TBC1D9B: variants seen among roughly 807,000 people sequenced by gnomAD.
The protein encoded by TBC1D9B is TBC1 domain family member 9B.
TBC1D9B carries 87 observed loss-of-function variants against 121.1 expected under a neutral mutation model. The observed-to-expected ratio is 0.72, with a 90% CI of 0.60 to 0.86. The LOEUF is 0.86. Among genes scored for constraint, TBC1D9B ranks in the 40% least tolerant of loss-of-function variants. The pLI is 0.00. For missense variants in TBC1D9B, 1,540 were observed against 1,628.6 expected (o/e 0.95, Z 0.94); for synonymous variants, 668 against 670.1 (o/e 1.00, Z 0.05).
Position 179,870,515 on chromosome 5 carries a change from G to C in TBC1D9B, c.2485-20C>G, listed in dbSNP as rs116593207. 1,546 of 1,594,428 alleles carry C rather than the reference G, an allele frequency of 9.7e-4. 13 individuals carry two copies. In the African/African-American group the frequency reaches 0.018, roughly 18 times the overall value. The stretch of plus-strand genomic sequence containing the variant: ...CTTGGCCTGTGGGACACGGTCTGGT[G>C]AGACGGTCCAGCCGCTAAGCCTGTG... On this transcript the variant is annotated intron_variant, in intron 15 of 20. Coordinates refer to ENST00000355235, the MANE Select transcript of TBC1D9B (RefSeq NM_015043.4).
At chr5:179,887,912 T>C (rs1383884127) in intron 7 of TBC1D9B, 191 bp downstream of exon 7, 25 of 683,868 alleles carry the variant, frequency 3.7e-5, no homozygotes, top group Non-Finnish European at 5.1e-6. Context: ...TGGCTGGGGG[T>C]GCAGAGAGGC....
At chr5:179,886,130 G>C (rs1446987071) in intron 7 of TBC1D9B, among the ~76,000 whole-genome samples, 1 of 152,126 alleles carries the variant, frequency 6.6e-6, no homozygotes, top group Non-Finnish European at 1.5e-5. Flanking sequence ...AGAGAAAATG[G>C]AGCCCCCTTC....
chr5:179,897,802 C>A (rs1473141455), intron 3 of TBC1D9B, among the ~76,000 whole-genome samples: 1 of 152,220 alleles, frequency 6.6e-6, no homozygotes, highest in Non-Finnish European at 1.5e-5. Context: ...CTCTCTCCAC[C>A]TGTTTTCCTG....
intron 14 of TBC1D9B, 69 bp downstream of exon 14, chr5:179,872,823 C>T: frequency 1.3e-6 from 2 of 1,502,522 alleles, no homozygotes; most frequent in South Asian, 2.3e-5. Flanking sequence ...CTGTACCCAC[C>T]CTGCTCTGTG....
At position 179,874,536 on chromosome 5, in the gene TBC1D9B, G is replaced by C. The variant is rs1760303246; in HGVS notation, c.2186+366C>G. On this transcript the variant is annotated intron_variant, in intron 12 of 20. Coordinates refer to ENST00000355235, the MANE Select transcript of TBC1D9B (RefSeq NM_015043.4). This position sits in a 1 kb window ranked among gnomAD's most constrained non-coding sequence, Gnocchi z 4.3. ...GCTGCAATGCAGCTGAGCTTGGAGA[G>C]GTATGACCGGGACCACCTGGTGGAC... Among the ~76,000 whole-genome samples, 2 of 152,192 alleles carry C rather than the reference G, an allele frequency of 1.3e-5. No homozygotes were observed.
rs571191896 is a variant in TBC1D9B at position 179,902,960 on chromosome 5, C to T, written c.229+1742G>A. ...GAAGGGCACTGCTGGTCAGGATGCC[C>T]GTGCAGAGCGCCCACCTGGGAGTGG... On this transcript the variant is annotated intron_variant, in intron 2 of 20. Coordinates refer to ENST00000355235, the MANE Select transcript of TBC1D9B (RefSeq NM_015043.4). The surrounding 1 kb of genome is among the most constrained non-coding windows in gnomAD (Gnocchi z 4.9). Among the ~76,000 whole-genome samples, 1 of 152,174 alleles carries T rather than the reference C, an allele frequency of 6.6e-6. No individual in the cohort carries two copies. The highest frequency in any genetic ancestry group is 1.5e-5 in the Non-Finnish European group (1 of 68,036).
Position 179,862,575 on chromosome 5 carries a change from G to T in TBC1D9B, c.*873C>A, listed in dbSNP as rs543390496. 2.2e-6 allele frequency: 1 copy of T among 456,564 alleles called. No homozygotes were observed. Among genetic ancestry groups the T allele is most frequent in the Admixed American group, 2.3e-5 (1 of 42,594 alleles). The allele number at this position is 456,564 out of a possible 1,614,324, so 28.3% of individuals were successfully genotyped here. A position where few individuals can be genotyped will look rare whatever the true frequency, so the allele number is the denominator to read the frequency against. ...TGCCCAGCTTGCACCAGCAGGTTCTGCGTCTCCATCTGACCTGGCAGACCT... is the reference window on the plus strand; with the variant it reads ...TGCCCAGCTTGCACCAGCAGGTTCTTCGTCTCCATCTGACCTGGCAGACCT... On this transcript the variant is annotated 3_prime_UTR_variant, in exon 21 of 21. Transcript: ENST00000355235.
Position 179,904,590 on chromosome 5 carries a change from G to T in TBC1D9B, c.229+112C>A. On this transcript the variant is annotated intron_variant, in intron 2 of 20. Transcript: ENST00000355235. The surrounding 1 kb of genome is among the most constrained non-coding windows in gnomAD (Gnocchi z 4.2). ...CTTCCCTCTTGCAGCCTTGGGCTAT[G>T]CTGTCAGCAGGGAATACCACCCAGA... 1 of 919,450 alleles carries T rather than the reference G, an allele frequency of 1.1e-6. No individual in the cohort carries two copies. 57.0% of individuals were successfully genotyped at this position (919,450 alleles called of 1,614,324 possible). A position where few individuals can be genotyped will look rare whatever the true frequency, so the allele number is the denominator to read the frequency against.
Position 179,878,367 on chromosome 5 carries a change from G to T in TBC1D9B, c.1724C>A (p.Ala575Asp). 2 of 1,614,026 alleles carry T rather than the reference G, an allele frequency of 1.2e-6. No individual in the cohort carries two copies. The highest frequency in any genetic ancestry group is 1.7e-6 in the Non-Finnish European group (2 of 1,179,996). The change falls in exon 10 of 21, where the codon GCC becomes GAC. Residue 575 changes from alanine (A) to aspartate (D), a missense_variant. Coordinates refer to ENST00000355235, the MANE Select transcript of TBC1D9B (RefSeq NM_015043.4). ...PAFQNELGIA[A>D]LRRVLTAYAF... ...ATAGGCAGTCAGCACCCGCCGGAGG[G>T]CAGCAATCCCCAGCTCGTTCTGGAA...
At position 179,893,481 on chromosome 5, in the gene TBC1D9B, G is replaced by A; in HGVS notation, c.578-14C>T. 6.3e-7 allele frequency: 1 copy of A among 1,581,144 alleles called. No homozygotes were observed. Among genetic ancestry groups the A allele is most frequent in the Non-Finnish European group, 8.6e-7 (1 of 1,159,914 alleles). On this transcript the variant is annotated splice_polypyrimidine_tract_variant and intron_variant, in intron 4 of 20. Coordinates refer to ENST00000355235, the MANE Select transcript of TBC1D9B (RefSeq NM_015043.4). ...CCACGAGGCTCACTGTGCCCACAGA[G>A]ATAGACACACCGCAAGTTAGGGCCT...
chr5:179,893,724 C>T (rs1032799617), intron 4 of TBC1D9B, among the ~76,000 whole-genome samples: 2 of 139,394 alleles, frequency 1.4e-5, no homozygotes, highest in Admixed American at 1.4e-4. Context: ...AACGAACGTG[C>T]GGAGGTGAAC....
rs1454018060 is a variant in TBC1D9B at position 179,865,614 on chromosome 5, G to A, written c.2914+224C>T. The A allele has an allele frequency of 9.6e-6, 6 of 623,292 alleles. No homozygotes were observed. The African/African-American group carries it at 1.1e-4, about 11-fold the overall frequency. The allele number at this position is 623,292 out of a possible 1,614,324, so 38.6% of individuals were successfully genotyped here. ...TCTTCTCTCAGATGGGGAGTCACAGGGCAGCTGGAGAGAAGCTGGCAAGAG... is the reference window on the plus strand; with the variant it reads ...TCTTCTCTCAGATGGGGAGTCACAGAGCAGCTGGAGAGAAGCTGGCAAGAG... On this transcript the variant is annotated intron_variant, in intron 19 of 20. Transcript: ENST00000355235. The surrounding 1 kb of genome is among the most constrained non-coding windows in gnomAD (Gnocchi z 5.1).
intron 3 of TBC1D9B, among the ~76,000 whole-genome samples, chr5:179,897,567 C>T (rs1433258219): frequency 2.0e-5 from 3 of 152,132 alleles, no homozygotes; most frequent in East Asian, 1.9e-4. Flanking sequence ...TCAAGTGATC[C>T]GCCCGTCTTG....
chr5:179,895,285 T>C (rs1262947377), intron 3 of TBC1D9B, among the ~76,000 whole-genome samples: 2 of 152,262 alleles, frequency 1.3e-5, no homozygotes, highest in Non-Finnish European at 2.9e-5. Flanking sequence ...CTTTTCTCGC[T>C]CTCTGTAGTG....
Position 179,879,658 on chromosome 5 carries a change from G to T in TBC1D9B, c.1386C>A (p.Asn462Lys). The change falls in exon 8 of 21, where the codon AAC becomes AAA. Residue 462 changes from asparagine (N) to lysine (K), a missense_variant. Transcript: ENST00000355235. ...TGGCTCCAAGGTCCTCCATGGGCGA[G>T]TTTTTCTGGAAGAGCTTCAGCAGGC... is the stretch of plus-strand genomic sequence containing the variant. The part of the protein sequence containing the change: ...SQGLLKLFQK[N>K]SPMEDLGAKG... The T allele has an allele frequency of 6.2e-7, 1 of 1,614,134 alleles. No individual in the cohort carries two copies. The highest frequency in any genetic ancestry group is 1.1e-5 in the South Asian group (1 of 91,080).
Position 179,866,000 on chromosome 5 carries a change from A to G in TBC1D9B, c.2864-112T>C. ...GTTTCTGTACAGCCAGCCCCAGGCCAGGCCCTGGGGAGCAGGTCTCCCATG... is the reference window on the plus strand; with the variant it reads ...GTTTCTGTACAGCCAGCCCCAGGCCGGGCCCTGGGGAGCAGGTCTCCCATG... On this transcript the variant is annotated intron_variant, in intron 18 of 20. Coordinates refer to ENST00000355235, the MANE Select transcript of TBC1D9B (RefSeq NM_015043.4). The surrounding 1 kb of genome is among the most constrained non-coding windows in gnomAD (Gnocchi z 5.1). 7.4e-7 allele frequency: 1 copy of G among 1,346,446 alleles called. No homozygotes were observed. Among genetic ancestry groups the G allele is most frequent in the Non-Finnish European group, 1.1e-6 (1 of 950,070 alleles). 83.4% of individuals were successfully genotyped at this position (1,346,446 alleles called of 1,614,324 possible).
At position 179,863,525 on chromosome 5, in the gene TBC1D9B, T is replaced by G. The variant is rs1306994088; in HGVS notation, c.3625A>C (p.Lys1209Gln). 6.2e-7 allele frequency: 1 copy of G among 1,614,210 alleles called. No individual in the cohort carries two copies. The highest frequency in any genetic ancestry group is 2.2e-5 in the East Asian group (1 of 44,882). The part of the protein sequence containing the change: ...FFEKRVDIGL[K>Q]IKDQKKVERQ... ...TCCACTTTCTTTTGGTCCTTGATCT[T>G]GAGTCCAATGTCCACTCTCTTCTCA... is the stretch of plus-strand genomic sequence containing the variant. The change falls in exon 21 of 21, where the codon AAG (lysine) becomes CAG (glutamine). Residue 1209 changes from lysine (K) to glutamine (Q), a missense_variant. Coordinates refer to ENST00000355235, the MANE Select transcript of TBC1D9B (RefSeq NM_015043.4). This position sits in a 1 kb window ranked among gnomAD's most constrained non-coding sequence, Gnocchi z 4.5.
chr5:179,878,630 T>C, intron 9 of TBC1D9B, 107 bp from the exon 10 acceptor site: 1 of 1,110,826 alleles, frequency 9.0e-7, no homozygotes, highest in Non-Finnish European at 1.3e-6. Context: ...GAGGTGGGAC[T>C]TGGGGTCAAG....
Position 179,863,631 on chromosome 5 carries a change from GC to G in TBC1D9B, c.3518del (p.Gly1173AlafsTer19). The G allele has an allele frequency of 6.2e-7, 1 of 1,613,786 alleles. No homozygotes were observed. Among genetic ancestry groups the G allele is most frequent in the Non-Finnish European group, 8.5e-7 (1 of 1,180,034 alleles). On this transcript the variant is annotated frameshift_variant, in exon 21 of 21. Transcript: ENST00000355235. LOFTEE classifies it high-confidence loss of function. The surrounding 1 kb of genome is among the most constrained non-coding windows in gnomAD (Gnocchi z 4.5). ...EACSPTARIGGTVDTDWCISF... is the reference protein window; with the variant it reads ...EACSPTARIGXTVDTDWCISF... ...AGATGCACCAGTCGGTGTCGACGGT[GC>G]CGCCGATGCGCGCTGTGGGGCTGCA...
Sources: gnomAD v4.1 joint callset for allele counts (sites outside exome capture counted in the v4.1 genomes callset) on GRCh38, gnomAD v4.1.1 for gene constraint, Gnocchi (gnomAD v3.1) non-coding constraint, MANE v1.5 for transcripts, NCBI Gene and HGNC (gene_info 2026-07-23, HGNC 2026-07-21) for gene names.